Variants in ARHGAP31 observed in about 807,000 individuals in gnomAD.
ARHGAP31 encodes rho GTPase-activating protein 31.
Under a neutral mutation model 113.9 loss-of-function variants are expected in ARHGAP31, and 34 were observed. That is an observed-to-expected ratio of 0.30 (90% confidence interval 0.23 to 0.40). The LOEUF is 0.40. Ranked by LOEUF, ARHGAP31 falls within the 10% of genes least tolerant of loss-of-function variation. The pLI is 1.00. For synonymous variants in ARHGAP31, 650 were observed against 684.8 expected, an observed-to-expected ratio of 0.95 and a Z score of 0.79; for missense variants, 1,548 against 1,767.1, an observed-to-expected ratio of 0.88 and a Z score of 2.22.
At chr3:119,319,336 T>C (rs2079762323) in intron 1 of ARHGAP31, among the ~76,000 whole-genome samples, 2 of 152,150 alleles carry the variant, frequency 1.3e-5, no homozygotes, top group African/African-American at 4.8e-5. Context: ...TTTATGTTGG[T>C]GTTTTGATTT....
At chr3:119,326,680 C>G (rs558463534) in intron 1 of ARHGAP31, among the ~76,000 whole-genome samples, 1 of 152,264 alleles carries the variant, frequency 6.6e-6, no homozygotes, top group South Asian at 2.1e-4. Context: ...TCTTCAAGAC[C>G]TTGGTGTTCA....
At chr3:119,370,247 G>A (rs945204714) in intron 3 of ARHGAP31, among the ~76,000 whole-genome samples, 1 of 152,200 alleles carries the variant, frequency 6.6e-6, no homozygotes, top group Non-Finnish European at 1.5e-5. Flanking sequence ...TTCACCATAT[G>A]TAAGTATTTG....
intron 1 of ARHGAP31, among the ~76,000 whole-genome samples, chr3:119,334,807 T>C (rs554920525): frequency 4.4e-4 from 67 of 152,346 alleles, no homozygotes; most frequent in Middle Eastern, 6.8e-3. Flanking sequence ...ATGTGTAATG[T>C]TGCCCTTATT....
At chr3:119,389,156 G>A (rs115409185) in intron 6 of ARHGAP31, among the ~76,000 whole-genome samples, 1,527 of 151,896 alleles carry the variant, frequency 0.01, 16 homozygotes, top group South Asian at 0.051. Context: ...GCGAGACTCC[G>A]TTTAAAAAAA....
At chr3:119,391,572 T>C (rs950145392) in intron 7 of ARHGAP31, among the ~76,000 whole-genome samples, 1 of 151,158 alleles carries the variant, frequency 6.6e-6, no homozygotes, top group African/African-American at 2.4e-5. Context: ...ACTTCTTCTG[T>C]TGCCACCTGG....
intron 11 of ARHGAP31, among the ~76,000 whole-genome samples, chr3:119,411,258 A>T (rs1002627217): frequency 2.0e-5 from 3 of 152,130 alleles, no homozygotes; most frequent in African/African-American, 7.2e-5. Context: ...GGGTCATTCT[A>T]TTCTGTGTGG....
At chr3:119,383,671 G>A (rs2080423164) in intron 6 of ARHGAP31, among the ~76,000 whole-genome samples, 1 of 152,176 alleles carries the variant, frequency 6.6e-6, no homozygotes, top group Non-Finnish European at 1.5e-5. Flanking sequence ...TTAAGAGGCA[G>A]CATGTTCATA....
At chr3:119,379,784 A>G (rs1264165343) in intron 3 of ARHGAP31, among the ~76,000 whole-genome samples, 1 of 152,214 alleles carries the variant, frequency 6.6e-6, no homozygotes, top group Non-Finnish European at 1.5e-5. Flanking sequence ...ATGGAGCTAT[A>G]GCTTAAGATC....
chr3:119,365,021 G>C (rs774082348), intron 1 of ARHGAP31, among the ~76,000 whole-genome samples: 1 of 152,146 alleles, frequency 6.6e-6, no homozygotes, highest in South Asian at 2.1e-4. Flanking sequence ...TTGAACCCAG[G>C]AGGTGGAGGT....
At chr3:119,319,650 A>T (rs1449170731) in intron 1 of ARHGAP31, among the ~76,000 whole-genome samples, 3 of 152,216 alleles carry the variant, frequency 2.0e-5, no homozygotes, top group Non-Finnish European at 4.4e-5. Context: ...GAAGCATCAT[A>T]TCCCCTGGCT....
At chr3:119,341,135 A>G (rs952692807) in intron 1 of ARHGAP31, among the ~76,000 whole-genome samples, 2 of 152,114 alleles carry the variant, frequency 1.3e-5, no homozygotes, top group African/African-American at 2.4e-5. Context: ...GAGTCCCCAT[A>G]TATTCTCTTA....
In ARHGAP31 at chr3:119,409,587, G is replaced by T. The variant is rs1197192294; in HGVS notation, c.1737G>T (p.Glu579Asp). Residue 579 changes from glutamate to aspartate, a missense_variant, in exon 11 of 12, where the codon GAG becomes GAT. Transcript: ENST00000264245. ...AATGCAGCAAAGGCCTGTCCCAGGA[G>T]CCAGGCGCCCACCTGGAGGAGAAGA... is the stretch of plus-strand genomic sequence containing the variant. Reference protein sequence around the residue: ...TVECSKGLSQEPGAHLEEKKT... With the variant: ...TVECSKGLSQDPGAHLEEKKT... 6.8e-6 allele frequency: 11 copies of T among 1,614,148 alleles called. No homozygotes were observed. Among genetic ancestry groups the T allele is most frequent in the Non-Finnish European group, 9.3e-6 (11 of 1,180,008 alleles).
chr3:119,303,589 T>A (rs556494143), intron 1 of ARHGAP31, among the ~76,000 whole-genome samples: 1 of 152,204 alleles, frequency 6.6e-6, no homozygotes, highest in East Asian at 1.9e-4. Flanking sequence ...CCACCACTAC[T>A]GGAGGGAGAG....
chr3:119,386,791 C>A (rs976572299), intron 6 of ARHGAP31, among the ~76,000 whole-genome samples: 3 of 152,202 alleles, frequency 2.0e-5, no homozygotes, highest in Non-Finnish European at 4.4e-5. Flanking sequence ...ACGTGGGTCA[C>A]GTGTCCACTG....
chr3:119,310,632 CTGA>C (rs1003031423), intron 1 of ARHGAP31, among the ~76,000 whole-genome samples: 16 of 152,158 alleles, frequency 1.1e-4, no homozygotes, highest in African/African-American at 3.4e-4. Context: ...TACCTAATGC[CTGA>C]TGATCTGAGA....
intron 1 of ARHGAP31, among the ~76,000 whole-genome samples, chr3:119,324,163 C>G (rs1372317081): frequency 6.6e-6 from 1 of 152,194 alleles, no homozygotes; most frequent in Non-Finnish European, 1.5e-5. Flanking sequence ...GTAGCGCTTT[C>G]CTCTTTTTAG....
Position 119,410,657 on chromosome 3 carries a change from G to A in ARHGAP31, c.1926+881G>A, listed in dbSNP as rs569557425. On this transcript the variant is annotated intron_variant, in intron 11 of 11. Coordinates refer to ENST00000264245, the MANE Select transcript of ARHGAP31 (RefSeq NM_020754.4). The stretch of plus-strand genomic sequence containing the variant: ...GGACCCTGTAGGAATGAATGGCATT[G>A]CTTTGAGAAGCAGGTAAAGTTAGTG... Among the ~76,000 whole-genome samples the A allele has an allele frequency of 3.9e-5, 6 of 152,336 alleles. No individual in the cohort carries two copies. In the East Asian group the frequency reaches 1.2e-3, roughly 29 times the overall value.
At chr3:119,342,691 T>C (rs1234098850) in intron 1 of ARHGAP31, among the ~76,000 whole-genome samples, 1 of 152,238 alleles carries the variant, frequency 6.6e-6, no homozygotes, top group African/African-American at 2.4e-5. Flanking sequence ...GGCTCATGCC[T>C]GTATTCCCAG....
chr3:119,388,764 G>A (rs368383046), intron 6 of ARHGAP31, among the ~76,000 whole-genome samples: 8 of 152,226 alleles, frequency 5.3e-5, no homozygotes, highest in East Asian at 1.9e-4. Flanking sequence ...TGGGTGGTCC[G>A]TGGTGCCACC....
Sources: allele counts gnomAD v4.1 joint callset (sites outside exome capture counted in the v4.1 genomes callset), GRCh38; gene constraint gnomAD v4.1.1; transcripts MANE v1.5; gene names NCBI Gene and HGNC (gene_info 2026-07-23, HGNC 2026-07-21).